The following GAS2 variants were observed in gnomAD, a reference collection of about 807,000 sequenced individuals.
The protein encoded by GAS2 is growth arrest specific 2, also known as growth arrest-specific protein 2.
A neutral mutation model predicts 37.5 loss-of-function variants in GAS2; 20 were observed. The ratio of observed to expected loss-of-function variants is 0.53; its 90% CI spans 0.37 to 0.77. GAS2 has a LOEUF of 0.77. Among genes scored for constraint, GAS2 ranks in the 30% least tolerant of loss-of-function variants. The probability of loss-of-function intolerance (pLI) is 0.00; values close to 1 mark genes in which losing one functional copy is unlikely to be tolerated. For synonymous variants in GAS2, 144 were observed against 132.2 expected (o/e 1.09, Z -0.61); for missense variants, 336 against 373.4 (o/e 0.90, Z 0.82).
chr11:22,739,702 T>C (rs969778775), intron 5 of GAS2, among the ~76,000 whole-genome samples: 1 of 151,866 alleles, frequency 6.6e-6, no homozygotes, highest in East Asian at 1.9e-4. Context: ...ATATGGATTG[T>C]CTAGAGTTCC....
intron 1 of GAS2, among the ~76,000 whole-genome samples, chr11:22,627,167 A>G (rs1161537587): frequency 6.6e-6 from 1 of 152,278 alleles, no homozygotes; most frequent in Non-Finnish European, 1.5e-5. Context: ...TCCTAAGGAT[A>G]CTATGAATCT....
At chr11:22,760,220 A>G (rs1218406970) in intron 7 of GAS2, among the ~76,000 whole-genome samples, 1 of 151,574 alleles carries the variant, frequency 6.6e-6, no homozygotes, top group African/African-American at 2.4e-5. Context: ...GCCTCAGGTG[A>G]TCCGCCTGCC....
chr11:22,725,945 A>C (rs1221967486), intron 3 of GAS2, among the ~76,000 whole-genome samples: 1 of 152,136 alleles, frequency 6.6e-6, no homozygotes, highest in Non-Finnish European at 1.5e-5. Flanking sequence ...AATGAGAAAT[A>C]CATTTATAAG....
intron 4 of GAS2, among the ~76,000 whole-genome samples, chr11:22,734,408 TA>T (rs1237334806): frequency 2.6e-5 from 4 of 151,744 alleles, no homozygotes; most frequent in Admixed American, 2.6e-4. Context: ...TGATATAATA[TA>T]AAAGATAAAC....
At chr11:22,665,557 A>G (rs1474105441), upstream of GAS2, among the ~76,000 whole-genome samples, 1 of 152,098 alleles carries the variant, frequency 6.6e-6, no homozygotes, top group Non-Finnish European at 1.5e-5. Flanking sequence ...AAGAATAACT[A>G]TTTTTCCCTT....
intron 3 of GAS2, among the ~76,000 whole-genome samples, chr11:22,712,735 A>G (rs1159893832): frequency 6.6e-6 from 1 of 152,200 alleles, no homozygotes; most frequent in East Asian, 1.9e-4. Flanking sequence ...CAGAAAGTTG[A>G]TTATTAAGCT....
intron 4 of GAS2, among the ~76,000 whole-genome samples, chr11:22,735,463 T>A (rs979209370): frequency 8.6e-5 from 13 of 151,820 alleles, no homozygotes; most frequent in Non-Finnish European, 3.0e-5. Flanking sequence ...GGGCTGATTC[T>A]GTTAATGAAA....
chr11:22,651,253 G>C lies in GAS2; in HGVS notation c.-20-23597G>C, dbSNP rs376438103. Among the ~76,000 whole-genome samples the C allele has an allele frequency of 6.6e-5, 10 of 152,310 alleles. No homozygotes were observed. The East Asian group carries it at 7.7e-4, about 12-fold the overall frequency. On this transcript the variant is annotated intron_variant, in intron 1 of 5. Transcript: ENST00000528582. ...AGAATGTTGAATATTGGCCCCCACT[G>C]TCTTCTGGCTTGTAGAGTTTCTGCT...
rs1205180565 is a variant in GAS2 at position 22,694,373 on chromosome 11, T to C, written c.267+8584T>C. On this transcript the variant is annotated intron_variant, in intron 3 of 7. Coordinates refer to ENST00000454584, the MANE Select transcript of GAS2 (RefSeq NM_001143830.3). ...GTTCCTGCCACCCGGAGAATTTCCA[T>C]TCACACTAAAATGAGGAAGCTCATT... Among the ~76,000 whole-genome samples, 3 of 152,102 alleles carry C rather than the reference T, an allele frequency of 2.0e-5. No individual in the cohort carries two copies. In the East Asian group the frequency reaches 5.8e-4, roughly 29 times the overall value.
chr11:22,772,910 A>G (rs1386024585), intron 7 of GAS2, among the ~76,000 whole-genome samples: 2 of 152,180 alleles, frequency 1.3e-5, no homozygotes, highest in Non-Finnish European at 2.9e-5. Flanking sequence ...GCAATGCCCA[A>G]AGAAATAATC....
At chr11:22,630,880 GATA>G (rs1858736684) in intron 1 of GAS2, among the ~76,000 whole-genome samples, 1 of 152,082 alleles carries the variant, frequency 6.6e-6, no homozygotes, top group Non-Finnish European at 1.5e-5. Flanking sequence ...TTCTGTGAAA[GATA>G]ATGTTAGTAT....
chr11:22,808,153 CACAATG>C (rs1174464022), intron 7 of GAS2, among the ~76,000 whole-genome samples: 1 of 152,172 alleles, frequency 6.6e-6, no homozygotes, highest in Non-Finnish European at 1.5e-5. Context: ...CCCTCCGCCT[CACAATG>C]ACACAAAATC....
At chr11:22,692,624 T>C (rs1056556846) in intron 3 of GAS2, among the ~76,000 whole-genome samples, 1 of 152,140 alleles carries the variant, frequency 6.6e-6, no homozygotes, top group East Asian at 1.9e-4. Context: ...CAGTCAGAAA[T>C]GCATTTATCT....
chr11:22,697,127 G>A (rs1000764184), intron 3 of GAS2, among the ~76,000 whole-genome samples: 15 of 152,320 alleles, frequency 9.8e-5, no homozygotes, highest in Non-Finnish European at 2.1e-4. Context: ...TGTGTAAGGT[G>A]TAAGGAAGGA....
At chr11:22,638,148 A>G (rs768305321) in intron 1 of GAS2, among the ~76,000 whole-genome samples, 4 of 152,060 alleles carry the variant, frequency 2.6e-5, no homozygotes, top group East Asian at 1.9e-4. Context: ...ACCACTTCCA[A>G]ATATAAAACG....
At position 22,626,337 on chromosome 11, in the gene GAS2, C is replaced by A. The variant is rs151288623; in HGVS notation, c.-21+524C>A. On this transcript the variant is annotated intron_variant, in intron 1 of 5. Coordinates refer to the GAS2 transcript ENST00000528582. ...AATTCTGGGCCTTCACATTGTCCTTCCATTATTAGAACTGAAGCCCAGATT... is the reference window on the plus strand; with the variant it reads ...AATTCTGGGCCTTCACATTGTCCTTACATTATTAGAACTGAAGCCCAGATT... 277 of 160,304 alleles carry A rather than the reference C, an allele frequency of 1.7e-3. 2 individuals carry two copies. Among genetic ancestry groups the A allele is most frequent in the African/African-American group, 6.4e-3 (266 of 41,612 alleles). The allele number at this position is 160,304 out of a possible 1,614,324, so 9.9% of individuals were successfully genotyped here.
chr11:22,676,863 A>T (rs1849452179), intron 2 of GAS2, among the ~76,000 whole-genome samples: 1 of 152,146 alleles, frequency 6.6e-6, no homozygotes, highest in Non-Finnish European at 1.5e-5. Context: ...GTCTTATTGC[A>T]CTGTGTCTTG....
intron 3 of GAS2, among the ~76,000 whole-genome samples, chr11:22,724,367 T>G (rs770958282): frequency 6.6e-6 from 1 of 152,018 alleles, no homozygotes; most frequent in Non-Finnish European, 1.5e-5. Flanking sequence ...GTATTTTTGT[T>G]TTTTGCTATT....
At chr11:22,661,938 A>G (rs531908857), upstream of GAS2, among the ~76,000 whole-genome samples, 21 of 152,304 alleles carry the variant, frequency 1.4e-4, no homozygotes, top group African/African-American at 4.1e-4. Flanking sequence ...AGCATAGAAG[A>G]GACTATAATA....
Sources: gnomAD v4.1 joint callset for allele counts (sites outside exome capture counted in the v4.1 genomes callset) on GRCh38, gnomAD v4.1.1 for gene constraint, MANE v1.5 for transcripts, NCBI Gene and HGNC (gene_info 2026-07-23, HGNC 2026-07-21) for gene names.